The following CLIC5 variants were observed in gnomAD, a reference collection of about 807,000 sequenced individuals.
The protein encoded by CLIC5 is chloride intracellular channel protein 5.
CLIC5 carries 20 observed loss-of-function variants against 24.7 expected under a neutral mutation model. That is an observed-to-expected ratio of 0.81 (90% CI 0.57 to 1.18). The LOEUF is 1.18. Ranked by LOEUF, CLIC5 falls within the 50% of genes most tolerant of loss-of-function variation. The pLI is 0.00. For synonymous variants in CLIC5, 159 were observed against 135.6 expected (o/e 1.17, Z -1.20); for missense variants, 341 against 326.1 (o/e 1.05, Z -0.35).
chr6:46,037,889 C>A lies in CLIC5; in HGVS notation c.540+41814G>T, dbSNP rs191215189. 5.4e-3 allele frequency among the ~76,000 whole-genome samples: 828 copies of A among 152,158 alleles called. 14 individuals carry two copies. Among genetic ancestry groups the A allele is most frequent in the Admixed American group, 0.029 (446 of 15,274 alleles). ...GTATTTGGTTACAGGTAGGGATTCA[C>A]CAAAAGACATTTTGCTGTGTGGGTG... On this transcript the variant is annotated intron_variant, in intron 1 of 5. Transcript: ENST00000185206.
At chr6:45,996,236 C>T (rs908678034) in intron 1 of CLIC5, among the ~76,000 whole-genome samples, 4 of 152,046 alleles carry the variant, frequency 2.6e-5, no homozygotes, top group Non-Finnish European at 4.4e-5. Context: ...AAAGCCAGTT[C>T]TTGATATTAG....
At chr6:45,944,436 C>T (rs961353646) in intron 3 of CLIC5, among the ~76,000 whole-genome samples, 1 of 151,072 alleles carries the variant, frequency 6.6e-6, no homozygotes, top group Non-Finnish European at 1.5e-5. Context: ...GATAAAGCTG[C>T]TAACTCCTGA....
chr6:45,948,103 G>A (rs765718361), intron 3 of CLIC5, among the ~76,000 whole-genome samples: 1 of 152,178 alleles, frequency 6.6e-6, no homozygotes, highest in Non-Finnish European at 1.5e-5. Flanking sequence ...ATAGTACCTA[G>A]GATGCTAGAA....
At chr6:46,006,923 C>A (rs1020699965) in intron 1 of CLIC5, among the ~76,000 whole-genome samples, 9 of 152,090 alleles carry the variant, frequency 5.9e-5, no homozygotes, top group African/African-American at 2.2e-4. Flanking sequence ...CCCCCTGCCT[C>A]GGCCTCCCAA....
At chr6:46,009,736 A>C (rs1188725411) in intron 1 of CLIC5, among the ~76,000 whole-genome samples, 1 of 152,188 alleles carries the variant, frequency 6.6e-6, no homozygotes, top group East Asian at 1.9e-4. Flanking sequence ...TAAAATCTGC[A>C]AAGAGAACCA....
chr6:45,912,242 G>T (rs1762848648), intron 5 of CLIC5: 1 of 989,408 alleles, frequency 1.0e-6, no homozygotes, highest in East Asian at 1.1e-4. Flanking sequence ...TGATAAGCTG[G>T]ATCAGCAGAA....
At chr6:45,939,484 C>T (rs1203348894) in intron 4 of CLIC5, among the ~76,000 whole-genome samples, 2 of 152,088 alleles carry the variant, frequency 1.3e-5, no homozygotes, top group Admixed American at 6.5e-5. Flanking sequence ...AGCCACCACA[C>T]CTGGCCCCTC....
At chr6:46,024,074 T>C (rs1032908126) in intron 1 of CLIC5, among the ~76,000 whole-genome samples, 2 of 152,166 alleles carry the variant, frequency 1.3e-5, no homozygotes, top group Non-Finnish European at 1.5e-5. Context: ...ACATCGGGAA[T>C]AGGAAGCCAG....
exon 1 of CLIC5, chr6:46,079,860 C>A (rs1264703376): frequency 6.4e-7 from 1 of 1,552,162 alleles, no homozygotes; most frequent in Non-Finnish European, 8.7e-7. Flanking sequence ...CATCACACTC[C>A]CATTCTCCTG....
chr6:45,948,482 C>T (rs1387840831), intron 3 of CLIC5, among the ~76,000 whole-genome samples: 1 of 152,194 alleles, frequency 6.6e-6, no homozygotes, highest in Non-Finnish European at 1.5e-5. Context: ...CAGAATATCC[C>T]ACAGGACTCA....
At chr6:46,010,387 A>C (rs1766762300) in intron 1 of CLIC5, among the ~76,000 whole-genome samples, 1 of 152,152 alleles carries the variant, frequency 6.6e-6, no homozygotes, top group South Asian at 2.1e-4. Flanking sequence ...CAAAAAAAAA[A>C]TCTGTGGTCC....
At chr6:45,888,820 G>T (rs920042635) in intron 6 of CLIC5, among the ~76,000 whole-genome samples, 3 of 152,044 alleles carry the variant, frequency 2.0e-5, no homozygotes, top group East Asian at 1.9e-4. Context: ...TTATATATTT[G>T]CTAGCCAACA....
At chr6:45,914,796 C>T (rs745480138) in intron 4 of CLIC5, among the ~76,000 whole-genome samples, 1 of 143,046 alleles carries the variant, frequency 7.0e-6, no homozygotes, top group Admixed American at 7.2e-5. Flanking sequence ...ACTAAAACTA[C>T]AAAAATTAGC....
chr6:45,970,841 T>G (rs1765177572), intron 1 of CLIC5, among the ~76,000 whole-genome samples: 1 of 152,204 alleles, frequency 6.6e-6, no homozygotes, highest in African/African-American at 2.4e-5. Flanking sequence ...ACCTATGAAA[T>G]GAAGGGACAA....
upstream of CLIC5, among the ~76,000 whole-genome samples, chr6:46,018,473 T>C (rs1767083172): frequency 6.6e-6 from 1 of 152,236 alleles, no homozygotes; most frequent in African/African-American, 2.4e-5. Context: ...AGTTTTGATA[T>C]TATAAAGCTT....
intron 1 of CLIC5, among the ~76,000 whole-genome samples, chr6:46,049,922 G>T (rs1179848766): frequency 6.6e-6 from 1 of 152,154 alleles, no homozygotes; most frequent in Non-Finnish European, 1.5e-5. Context: ...AATGTGTACT[G>T]TGAATCTGCA....
intron 1 of CLIC5, among the ~76,000 whole-genome samples, chr6:46,051,686 A>G (rs1768106038): frequency 6.6e-6 from 1 of 152,220 alleles, no homozygotes; most frequent in South Asian, 2.1e-4. Context: ...TTTCACAATA[A>G]TAATAATTCC....
the CLIC5 span, among the ~76,000 whole-genome samples, chr6:46,117,402 A>G: frequency 6.9e-6 from 1 of 143,978 alleles, no homozygotes; most frequent in African/African-American, 2.4e-5. Flanking sequence ...TCTGTAATTC[A>G]GCAGGTTTGG....
intron 4 of CLIC5, chr6:45,920,743 C>A (rs1054930575): frequency 1.2e-4 from 92 of 776,110 alleles, no homozygotes; most frequent in Non-Finnish European, 1.7e-5. Flanking sequence ...GGCCAAAGAT[C>A]CAGGAGCAAG....
Sources: allele counts gnomAD v4.1 joint callset (sites outside exome capture counted in the v4.1 genomes callset), GRCh38; gene constraint gnomAD v4.1.1; transcripts MANE v1.5; gene names NCBI Gene and HGNC (gene_info 2026-07-23, HGNC 2026-07-21).